Variants in GRID1 observed in about 807,000 individuals in gnomAD.
The protein encoded by GRID1 is glutamate ionotropic receptor delta type subunit 1.
GRID1 carries 28 observed loss-of-function variants against 98.0 expected under a neutral mutation model. The ratio of observed to expected loss-of-function variants is 0.29; its 90% CI spans 0.21 to 0.39. The LOEUF is 0.39. Ranked by LOEUF, GRID1 falls within the 10% of genes least tolerant of loss-of-function variation. GRID1 has a pLI of 1.00. For missense variants in GRID1, 1,111 were observed against 1,340.5 expected (o/e 0.83, Z 2.67); for synonymous variants, 553 against 538.5 (o/e 1.03, Z -0.37).
At chr10:85,732,201 T>C (rs1202734141) in intron 8 of GRID1, among the ~76,000 whole-genome samples, 1 of 152,190 alleles carries the variant, frequency 6.6e-6, no homozygotes, top group Non-Finnish European at 1.5e-5. Flanking sequence ...TGCTTAGCCC[T>C]GATGTGTGTC....
chr10:86,248,994 G>A (rs1033583779), intron 2 of GRID1, among the ~76,000 whole-genome samples: 2 of 152,206 alleles, frequency 1.3e-5, no homozygotes, highest in South Asian at 2.1e-4. Context: ...CAGGGAGAAG[G>A]AGCCAGCCTG....
At chr10:86,030,858 G>A (rs1240427708) in intron 4 of GRID1, among the ~76,000 whole-genome samples, 1 of 152,202 alleles carries the variant, frequency 6.6e-6, no homozygotes. Flanking sequence ...TTGCACAGGT[G>A]AATGCCAGCA....
At chr10:85,948,353 T>C (rs11201843) in intron 4 of GRID1, among the ~76,000 whole-genome samples, 5,409 of 152,246 alleles carry the variant, frequency 0.036, 247 homozygotes, top group East Asian at 0.17. Flanking sequence ...GAGGATGAAG[T>C]GGTTGAGGAT....
At chr10:86,169,922 C>T (rs1003212992) in intron 3 of GRID1, among the ~76,000 whole-genome samples, 2 of 152,234 alleles carry the variant, frequency 1.3e-5, no homozygotes, top group African/African-American at 4.8e-5. Context: ...CTGTCCTGCT[C>T]AGAGCACAGC....
intron 4 of GRID1, among the ~76,000 whole-genome samples, chr10:86,034,650 C>T (rs1161682506): frequency 6.6e-6 from 1 of 151,614 alleles, no homozygotes; most frequent in East Asian, 1.9e-4. Context: ...CCTGGGCTCC[C>T]CTGGCATCTA....
intron 4 of GRID1, among the ~76,000 whole-genome samples, chr10:86,026,645 T>A (rs776809590): frequency 2.0e-5 from 3 of 152,244 alleles, no homozygotes; most frequent in Non-Finnish European, 4.4e-5. Flanking sequence ...ACTCAGCTTC[T>A]ACTCTTTGCC....
At chr10:85,606,045 A>G (rs1842656972) in intron 15 of GRID1, 1 of 152,242 alleles carries the variant, frequency 6.6e-6, no homozygotes, top group South Asian at 2.1e-4. Flanking sequence ...ATCCGGTAAT[A>G]ATGGAGCATT....
chr10:86,262,953 A>G (rs1049393413), intron 2 of GRID1, among the ~76,000 whole-genome samples: 4 of 137,498 alleles, frequency 2.9e-5, no homozygotes, highest in Non-Finnish European at 4.7e-5. Context: ...CCCCGAGAGC[A>G]TAGGCTGCGT....
At chr10:85,996,340 A>C (rs1296961780) in intron 4 of GRID1, among the ~76,000 whole-genome samples, 1 of 152,218 alleles carries the variant, frequency 6.6e-6, no homozygotes, top group Admixed American at 6.5e-5. Context: ...ACACTCCTAA[A>C]AGAAATGGAA....
chr10:85,727,362 G>C (rs1841771713), intron 10 of GRID1, among the ~76,000 whole-genome samples: 1 of 152,204 alleles, frequency 6.6e-6, no homozygotes, highest in African/African-American at 2.4e-5. Flanking sequence ...TTTCAATGAA[G>C]ATGCAGTTTC....
intron 3 of GRID1, among the ~76,000 whole-genome samples, chr10:86,160,045 C>T (rs1447416443): frequency 6.6e-6 from 1 of 152,104 alleles, no homozygotes; most frequent in Non-Finnish European, 1.5e-5. Context: ...TCAACACCAG[C>T]ATCATCATCA....
intron 4 of GRID1, among the ~76,000 whole-genome samples, chr10:86,038,579 C>T (rs1482508125): frequency 6.6e-6 from 1 of 152,202 alleles, no homozygotes; most frequent in African/African-American, 2.4e-5. Context: ...ATGGCACTGC[C>T]AGTGAAACCA....
intron 13 of GRID1, among the ~76,000 whole-genome samples, chr10:85,641,178 A>G (rs998933242): frequency 6.6e-6 from 1 of 152,216 alleles, no homozygotes; most frequent in Non-Finnish European, 1.5e-5. Flanking sequence ...GTTATGCTGG[A>G]TGTTGCTTGA....
chr10:86,344,541 G>A (rs780550101), intron 2 of GRID1, among the ~76,000 whole-genome samples: 19 of 152,230 alleles, frequency 1.2e-4, no homozygotes, highest in Admixed American at 8.5e-4. Context: ...CTCTGAGGCC[G>A]TGGTGGTCTA....
intron 12 of GRID1, chr10:85,709,055 A>G: frequency 3.1e-6 from 1 of 325,034 alleles, no homozygotes; most frequent in Non-Finnish European, 6.2e-6. Flanking sequence ...GGGTGCTATG[A>G]TTCACCAAAA....
intron 6 of GRID1, among the ~76,000 whole-genome samples, chr10:85,856,808 C>T (rs1228887290): frequency 1.3e-5 from 2 of 152,190 alleles, no homozygotes; most frequent in African/African-American, 2.4e-5. Context: ...TATTGGCCAC[C>T]GCTGGCGGAT....
At chr10:85,879,110 G>T (rs1589285122) in intron 5 of GRID1, among the ~76,000 whole-genome samples, 1 of 152,194 alleles carries the variant, frequency 6.6e-6, no homozygotes, top group Admixed American at 6.5e-5. Context: ...GGAGCATCCA[G>T]ATTCATAAAG....
intron 2 of GRID1, among the ~76,000 whole-genome samples, chr10:86,278,269 T>C (rs747827400): frequency 2.0e-4 from 30 of 152,296 alleles, no homozygotes; most frequent in Non-Finnish European, 3.8e-4. Context: ...ATACTATTTT[T>C]TAAATTGACT....
intron 2 of GRID1, among the ~76,000 whole-genome samples, chr10:86,358,924 C>T (rs571578906): frequency 1.1e-4 from 16 of 152,042 alleles, no homozygotes; most frequent in African/African-American, 3.9e-4. Context: ...CTTGACCCGC[C>T]ATTGCTGGCC....
Sources: allele counts gnomAD v4.1 joint callset (sites outside exome capture counted in the v4.1 genomes callset), GRCh38; gene constraint gnomAD v4.1.1; transcripts MANE v1.5; gene names NCBI Gene and HGNC (gene_info 2026-07-23, HGNC 2026-07-21).